The following SCHIP1 variants were observed in gnomAD, a reference collection of about 807,000 sequenced individuals.
The protein encoded by SCHIP1 is schwannomin interacting protein 1, also known as schwannomin-interacting protein 1.
In SCHIP1, 8 loss-of-function variants were observed where a neutral mutation model predicts 29.7. The observed-to-expected ratio is 0.27, with a 90% confidence interval of 0.16 to 0.49. SCHIP1 has a LOEUF of 0.49. Ranked by LOEUF, SCHIP1 falls within the 20% of genes least tolerant of loss-of-function variation. The pLI is 0.99. For synonymous variants in SCHIP1, 76 were observed against 94.9 expected (o/e 0.80, Z 1.16); for missense variants, 193 against 294.6 (o/e 0.66, Z 2.52).
chr3:159,732,639 A>G, the SCHIP1 span, among the ~76,000 whole-genome samples: 2 of 152,234 alleles, frequency 1.3e-5, no homozygotes, highest in Non-Finnish European at 2.9e-5. Flanking sequence ...GCAAGGTTAC[A>G]GAAGGCCCTG....
the SCHIP1 span, among the ~76,000 whole-genome samples, chr3:159,431,110 T>C: frequency 6.6e-6 from 1 of 152,046 alleles, no homozygotes. Flanking sequence ...AAGTAGAGCA[T>C]TTAATTCAGC....
chr3:159,547,618 C>T, the SCHIP1 span, among the ~76,000 whole-genome samples: 2 of 152,256 alleles, frequency 1.3e-5, no homozygotes, highest in East Asian at 1.9e-4. Flanking sequence ...GGTCCAGTTT[C>T]AGTTTTCTGC....
the SCHIP1 span, among the ~76,000 whole-genome samples, chr3:159,463,615 A>T: frequency 2.0e-5 from 3 of 152,184 alleles, no homozygotes; most frequent in East Asian, 5.8e-4. Flanking sequence ...TCATTTTTCC[A>T]AAAATACAAG....
the SCHIP1 span, among the ~76,000 whole-genome samples, chr3:159,431,083 T>G: frequency 6.6e-6 from 1 of 152,016 alleles, no homozygotes; most frequent in Non-Finnish European, 1.5e-5. Flanking sequence ...CTCTTATGCT[T>G]TTAAAGAGAA....
At chr3:159,654,605 TGAA>T in the SCHIP1 span, among the ~76,000 whole-genome samples, 1 of 151,874 alleles carries the variant, frequency 6.6e-6, no homozygotes, top group African/African-American at 2.4e-5. Flanking sequence ...TGAGTCTGTG[TGAA>T]GAAGGTGATG....
At chr3:159,755,541 G>A in the SCHIP1 span, among the ~76,000 whole-genome samples, 1 of 152,162 alleles carries the variant, frequency 6.6e-6, no homozygotes, top group Non-Finnish European at 1.5e-5. Context: ...TGGGGACACA[G>A]AACCAAACAA....
At chr3:159,779,475 C>T in the SCHIP1 span, among the ~76,000 whole-genome samples, 1 of 151,352 alleles carries the variant, frequency 6.6e-6, no homozygotes, top group East Asian at 1.9e-4. Flanking sequence ...TGGAGACCAG[C>T]CTGGCCAACA....
intron 2 of SCHIP1, among the ~76,000 whole-genome samples, chr3:159,881,503 C>T (rs2109387475): frequency 6.6e-6 from 1 of 152,318 alleles, no homozygotes; most frequent in South Asian, 2.1e-4. Context: ...GGGACATTCC[C>T]TTTCATTCTG....
chr3:159,280,329 C>T, the SCHIP1 span, among the ~76,000 whole-genome samples: 6 of 152,158 alleles, frequency 3.9e-5, no homozygotes, highest in East Asian at 1.2e-3. Flanking sequence ...ATTATACTAG[C>T]CTGCCTAGTA....
the SCHIP1 span, among the ~76,000 whole-genome samples, chr3:159,626,199 G>GAT: frequency 9.1e-6 from 1 of 110,174 alleles, no homozygotes; most frequent in Non-Finnish European, 1.6e-5. Context: ...TAGATAGATA[G>GAT]ATAGATAGAT....
At chr3:159,792,716 A>C in the SCHIP1 span, among the ~76,000 whole-genome samples, 14 of 152,238 alleles carry the variant, frequency 9.2e-5, no homozygotes, top group African/African-American at 3.4e-4. Flanking sequence ...AGGTTTTAAC[A>C]AGAGAATTTT....
At chr3:159,607,712 G>A in the SCHIP1 span, among the ~76,000 whole-genome samples, 2 of 152,252 alleles carry the variant, frequency 1.3e-5, no homozygotes, top group South Asian at 4.1e-4. Flanking sequence ...GGTGCAGCCG[G>A]AGCTTGAAGA....
chr3:159,724,750 C>T, the SCHIP1 span, among the ~76,000 whole-genome samples: 1 of 152,176 alleles, frequency 6.6e-6, no homozygotes, highest in Non-Finnish European at 1.5e-5. Context: ...CAAGTGGTTG[C>T]TAAATCTTTG....
At chr3:159,453,353 G>A in the SCHIP1 span, among the ~76,000 whole-genome samples, 2 of 152,188 alleles carry the variant, frequency 1.3e-5, no homozygotes, top group East Asian at 3.8e-4. Flanking sequence ...ATATGAGAAT[G>A]CTCTGTAAAC....
At chr3:159,371,628 G>A in the SCHIP1 span, among the ~76,000 whole-genome samples, 2 of 152,156 alleles carry the variant, frequency 1.3e-5, no homozygotes, top group African/African-American at 4.8e-5. Flanking sequence ...GGTATCTGTT[G>A]GGGATTGGTT....
the SCHIP1 span, among the ~76,000 whole-genome samples, chr3:159,397,718 C>G: frequency 2.3e-4 from 35 of 152,340 alleles, no homozygotes; most frequent in Non-Finnish European, 4.6e-4. Context: ...CCACTGCTCT[C>G]TTCAAAGCTG....
At chr3:159,328,358 A>G in the SCHIP1 span, among the ~76,000 whole-genome samples, 1 of 152,152 alleles carries the variant, frequency 6.6e-6, no homozygotes, top group African/African-American at 2.4e-5. Flanking sequence ...AGGAACATGT[A>G]AGGAAGGAAG....
the SCHIP1 span, among the ~76,000 whole-genome samples, chr3:159,397,265 A>C: frequency 6.6e-6 from 1 of 151,878 alleles, no homozygotes; most frequent in Admixed American, 6.6e-5. Flanking sequence ...CTTTGGTTTG[A>C]ATGTCCTCCT....
chr3:159,830,243 G>A, the SCHIP1 span, among the ~76,000 whole-genome samples: 2 of 152,062 alleles, frequency 1.3e-5, no homozygotes, highest in South Asian at 4.2e-4. Flanking sequence ...CTCTTTTTTT[G>A]TATCACAAAC....
Sources: allele counts gnomAD v4.1 joint callset (sites outside exome capture counted in the v4.1 genomes callset), GRCh38; gene constraint gnomAD v4.1.1; transcripts MANE v1.5; gene names NCBI Gene and HGNC (gene_info 2026-07-23, HGNC 2026-07-21).